Variants in BBS9 observed in about 807,000 individuals in gnomAD.
The protein encoded by BBS9 is Bardet-Biedl syndrome 9.
BBS9 carries 89 observed loss-of-function variants against 117.7 expected under a neutral mutation model. The ratio of observed to expected loss-of-function variants is 0.76; its 90% confidence interval spans 0.64 to 0.90. The LOEUF (loss-of-function observed/expected upper bound fraction) is 0.90. BBS9 is among the 40% of genes least tolerant of loss of function. The pLI is 0.00. For synonymous variants in BBS9, 379 were observed against 370.9 expected, an observed-to-expected ratio of 1.02 and a Z score of -0.25; for missense variants, 982 against 1,042.2, an observed-to-expected ratio of 0.94 and a Z score of 0.80.
intron 5 of BBS9, among the ~76,000 whole-genome samples, chr7:33,239,030 G>A (rs1348192110): frequency 3.9e-5 from 6 of 152,072 alleles, no homozygotes; most frequent in Non-Finnish European, 7.4e-5. Flanking sequence ...GGGACAAAAA[G>A]CTTTTGACGC....
chr7:33,607,423 A>G (rs1864637395), downstream of BBS9, among the ~76,000 whole-genome samples: 1 of 152,154 alleles, frequency 6.6e-6, no homozygotes, highest in Non-Finnish European at 1.5e-5. Flanking sequence ...ATTTAAACAC[A>G]GGATTCAGGT....
chr7:33,276,980 TG>T, intron 9 of BBS9: 1 of 243,264 alleles, frequency 4.1e-6, no homozygotes, highest in Non-Finnish European at 8.8e-6. Flanking sequence ...GGGTCTGTGG[TG>T]GTGGAGACTC....
chr7:33,140,701 G>T (rs1791319765), intron 1 of BBS9, among the ~76,000 whole-genome samples: 1 of 152,112 alleles, frequency 6.6e-6, no homozygotes, highest in African/African-American at 2.4e-5. Flanking sequence ...GTGTAATACA[G>T]ATATTATTAT....
chr7:33,257,162 G>A (rs1797204776), intron 5 of BBS9, 74 bp from the exon 6 acceptor site: 2 of 1,053,254 alleles, frequency 1.9e-6, no homozygotes, highest in African/African-American at 1.6e-5. Flanking sequence ...CATACATGTT[G>A]TAGATAGTGA....
chr7:33,517,420 C>T (rs1847956959), intron 20 of BBS9, among the ~76,000 whole-genome samples: 1 of 152,190 alleles, frequency 6.6e-6, no homozygotes, highest in Non-Finnish European at 1.5e-5. Context: ...TACATAGCCA[C>T]CATGCTCAGC....
chr7:33,451,209 A>G (rs1225680138), intron 19 of BBS9, among the ~76,000 whole-genome samples: 2 of 152,058 alleles, frequency 1.3e-5, no homozygotes, highest in Admixed American at 1.3e-4. Context: ...ATAAAGTTTT[A>G]TATAGTTCTA....
chr7:33,482,806 T>C (rs1241917739), intron 19 of BBS9, among the ~76,000 whole-genome samples: 5 of 152,190 alleles, frequency 3.3e-5, no homozygotes, highest in Non-Finnish European at 7.3e-5. Context: ...CCTGTTGTTC[T>C]GGCCATTCAT....
At chr7:33,526,732 C>G (rs1849568093) in intron 20 of BBS9, among the ~76,000 whole-genome samples, 1 of 150,400 alleles carries the variant, frequency 6.6e-6, no homozygotes, top group African/African-American at 2.5e-5. Flanking sequence ...TCGTCTGAAG[C>G]CTTCTTCTCT....
chr7:33,145,718 C>A (rs1792228638), intron 1 of BBS9, among the ~76,000 whole-genome samples: 1 of 152,114 alleles, frequency 6.6e-6, no homozygotes, highest in Admixed American at 6.5e-5. Context: ...CAGATTGAAA[C>A]CTGTGGATAT....
chr7:33,244,911 A>G lies in BBS9; in HGVS notation c.443-12325A>G, dbSNP rs1318082773. Among the ~76,000 whole-genome samples the G allele has an allele frequency of 3.9e-5, 6 of 152,302 alleles. No individual in the cohort carries two copies. In the East Asian group the frequency reaches 1.2e-3, roughly 29 times the overall value. ...TTTGTTCAATTTGTTGTTTTATGAT[A>G]TACCATCCTGCTTTGGAAACAGGGA... On this transcript the variant is annotated intron_variant, in intron 5 of 22. Transcript: ENST00000242067.
chr7:33,206,812 C>A (rs1787018447), intron 5 of BBS9, among the ~76,000 whole-genome samples: 1 of 152,086 alleles, frequency 6.6e-6, no homozygotes, highest in East Asian at 1.9e-4. Flanking sequence ...TCAATGATTA[C>A]ATTTCCATCC....
chr7:33,202,094 T>C (rs886116809), intron 5 of BBS9, among the ~76,000 whole-genome samples: 1 of 152,146 alleles, frequency 6.6e-6, no homozygotes, highest in Non-Finnish European at 1.5e-5. Flanking sequence ...GGGTGAGTAA[T>C]ATATGAGAAC....
intron 21 of BBS9, among the ~76,000 whole-genome samples, chr7:33,615,669 G>T (rs1023618190): frequency 5.3e-5 from 8 of 152,060 alleles, no homozygotes; most frequent in African/African-American, 1.9e-4. Flanking sequence ...TAATGACTGA[G>T]AATGTTTTCA....
intron 17 of BBS9, among the ~76,000 whole-genome samples, chr7:33,372,802 G>C (rs1823111110): frequency 6.6e-6 from 1 of 152,070 alleles, no homozygotes; most frequent in Non-Finnish European, 1.5e-5. Context: ...TCTTTGGTAG[G>C]AGACTTTGTA....
intron 19 of BBS9, among the ~76,000 whole-genome samples, chr7:33,418,644 C>A (rs1832382815): frequency 6.6e-6 from 1 of 152,272 alleles, no homozygotes; most frequent in African/African-American, 2.4e-5. Context: ...GCTGTGGTGG[C>A]TTCACCCCCA....
chr7:33,220,174 C>T (rs1562821550), intron 5 of BBS9, among the ~76,000 whole-genome samples: 1 of 152,122 alleles, frequency 6.6e-6, no homozygotes, highest in Non-Finnish European at 1.5e-5. Context: ...TTCTTAGAGT[C>T]TTATAATTGC....
chr7:33,463,596 A>G (rs563343858), intron 19 of BBS9, among the ~76,000 whole-genome samples: 1 of 152,178 alleles, frequency 6.6e-6, no homozygotes, highest in South Asian at 2.1e-4. Flanking sequence ...TTTGTCTGAA[A>G]TAAAGCTAAT....
intron 21 of BBS9, among the ~76,000 whole-genome samples, chr7:33,553,827 A>G (rs1303814114): frequency 6.6e-6 from 1 of 152,174 alleles, no homozygotes; most frequent in Non-Finnish European, 1.5e-5. Context: ...GATGACTAAC[A>G]AGAGAGACAG....
At chr7:33,302,969 A>G (rs924866464) in intron 9 of BBS9, among the ~76,000 whole-genome samples, 1 of 152,050 alleles carries the variant, frequency 6.6e-6, no homozygotes, top group Non-Finnish European at 1.5e-5. Flanking sequence ...TATAGTTTTC[A>G]TTGTAGAGAT....
Sources: gnomAD v4.1 joint callset for allele counts (sites outside exome capture counted in the v4.1 genomes callset) on GRCh38, gnomAD v4.1.1 for gene constraint, MANE v1.5 for transcripts, NCBI Gene and HGNC (gene_info 2026-07-23, HGNC 2026-07-21) for gene names.